Variants in TRIP12 observed in about 807,000 individuals in gnomAD.
The protein encoded by TRIP12 is E3 ubiquitin-protein ligase TRIP12.
Under a neutral mutation model 244.2 loss-of-function variants are expected in TRIP12, and 25 were observed. The observed-to-expected ratio is 0.10, with a 90% CI of 0.07 to 0.14. TRIP12 has a LOEUF of 0.14. Among genes scored for constraint, TRIP12 ranks in the 10% least tolerant of loss-of-function variants. The probability of loss-of-function intolerance (pLI) is 1.00; values close to 1 mark genes in which losing one functional copy is unlikely to be tolerated. For missense variants in TRIP12, 1,677 were observed against 2,486.4 expected (o/e 0.67, Z 6.92); for synonymous variants, 905 against 873.1 (o/e 1.04, Z -0.64).
intron 8 of TRIP12, among the ~76,000 whole-genome samples, chr2:229,828,772 A>AT (rs1188729250): frequency 0.015 from 2,314 of 151,904 alleles, 59 homozygotes; most frequent in African/African-American, 0.051. Flanking sequence ...ATCTCAAAAA[A>AT]AATATATATA....
chr2:229,777,233 A>G, intron 37 of TRIP12, 82 bp downstream of exon 37: 1 of 1,405,180 alleles, frequency 7.1e-7, no homozygotes, highest in Non-Finnish European at 9.7e-7. Flanking sequence ...ATAACAACTG[A>G]GTCAAATACA....
intron 1 of TRIP12, among the ~76,000 whole-genome samples, chr2:229,905,610 T>A (rs906132872): frequency 6.6e-5 from 10 of 152,216 alleles, no homozygotes; most frequent in African/African-American, 2.4e-4. Flanking sequence ...ATAACGAATA[T>A]ACTTTTAAAA....
Position 229,788,833 on chromosome 2 carries a change from G to A in TRIP12, c.4803C>T (p.Asn1601=). The A allele has an allele frequency of 6.2e-7, 1 of 1,613,728 alleles. No individual in the cohort carries two copies. The highest frequency in any genetic ancestry group is 8.5e-7 in the Non-Finnish European group (1 of 1,179,946). The part of the protein sequence containing the change: ...LQDPLVIMTG[N]IPTWLTELGK... ...CTAGCTCAGTAAGCCATGTTGGGATGTTTCCTGTCATGATTACTAAAGGAT... is the reference window on the plus strand; with the variant it reads ...CTAGCTCAGTAAGCCATGTTGGGATATTTCCTGTCATGATTACTAAAGGAT... The change falls in exon 32 of 42, where the codon AAC becomes AAT. Residue 1601 remains asparagine (N), a synonymous_variant. Transcript: ENST00000675903.
intron 1 of TRIP12, among the ~76,000 whole-genome samples, chr2:229,915,839 C>A (rs2075281831): frequency 6.6e-6 from 1 of 152,078 alleles, no homozygotes; most frequent in Non-Finnish European, 1.5e-5. Context: ...AGACTACAGG[C>A]ATGTGCCACC....
At chr2:229,869,243 T>C (rs769832701) in intron 2 of TRIP12, among the ~76,000 whole-genome samples, 2 of 152,190 alleles carry the variant, frequency 1.3e-5, no homozygotes, top group Non-Finnish European at 2.9e-5. Context: ...GTTTTCATCA[T>C]TTCAGTAAAA....
intron 1 of TRIP12, among the ~76,000 whole-genome samples, chr2:229,913,996 G>A (rs1041919552): frequency 1.9e-4 from 29 of 152,052 alleles, no homozygotes; most frequent in African/African-American, 3.9e-4. Flanking sequence ...GGCCAGGCGC[G>A]GTGGCTCACA....
intron 1 of TRIP12, among the ~76,000 whole-genome samples, chr2:229,882,490 C>A (rs1040136435): frequency 3.3e-5 from 5 of 152,150 alleles, no homozygotes; most frequent in Non-Finnish European, 5.9e-5. Context: ...TTTAAAAGAG[C>A]TTTCCTGGGT....
intron 9 of TRIP12, among the ~76,000 whole-genome samples, chr2:229,817,967 C>T (rs1255235269): frequency 3.3e-5 from 5 of 152,014 alleles, no homozygotes; most frequent in East Asian, 1.9e-4. Flanking sequence ...CATGTAGACA[C>T]GTACTAAATA....
At chr2:229,791,364 C>CAGAG in intron 29 of TRIP12, 113 bp from the exon 30 acceptor site, 2 of 1,188,374 alleles carry the variant, frequency 1.7e-6, no homozygotes, top group Non-Finnish European at 2.4e-6. Flanking sequence ...GATCTATTCT[C>CAGAG]CTCTCTCTCC....
At chr2:229,777,592 G>A (rs2036675173) in intron 36 of TRIP12, 113 bp from the exon 37 acceptor site, 1 of 1,077,990 alleles carries the variant, frequency 9.3e-7, no homozygotes. Flanking sequence ...TAATCCCCAA[G>A]AAAGAAAATT....
chr2:229,835,363 T>C (rs1378096705), intron 6 of TRIP12, among the ~76,000 whole-genome samples: 4 of 152,218 alleles, frequency 2.6e-5, no homozygotes, highest in Non-Finnish European at 5.9e-5. Context: ...TATGCTTTTA[T>C]CCTCTTAGGT....
At chr2:229,853,455 T>A (rs2059082019) in intron 4 of TRIP12, among the ~76,000 whole-genome samples, 1 of 151,946 alleles carries the variant, frequency 6.6e-6, no homozygotes, top group Non-Finnish European at 1.5e-5. Context: ...AGGTCAGGAG[T>A]TCGAGACCAG....
Position 229,814,561 on chromosome 2 carries a change from C to T in TRIP12, c.1732-236G>A, listed in dbSNP as rs891914647. On this transcript the variant is annotated intron_variant, in intron 11 of 41. Transcript: ENST00000675903. The stretch of plus-strand genomic sequence containing the variant: ...TATGTTTTACATAATAAACCAAACC[C>T]AATTACATAACTTTTAAATCTTCAG... 1.4e-5 allele frequency: 5 copies of T among 365,352 alleles called. No individual in the cohort carries two copies. The South Asian group carries it at 4.8e-4, about 35-fold the overall frequency. The allele number at this position is 365,352 out of a possible 1,614,324, so 22.6% of individuals were successfully genotyped here. A position where few individuals can be genotyped will look rare whatever the true frequency, so the allele number is the denominator to read the frequency against.
At chr2:229,789,027 T>A in intron 31 of TRIP12, 87 bp from the exon 32 acceptor site, 13 of 1,248,348 alleles carry the variant, frequency 1.0e-5, no homozygotes, top group Non-Finnish European at 1.4e-5. Flanking sequence ...CCCAAGTCCA[T>A]GCAAAGTACC....
At chr2:229,801,307 C>G (rs1415343997) in intron 21 of TRIP12, among the ~76,000 whole-genome samples, 4 of 152,194 alleles carry the variant, frequency 2.6e-5, no homozygotes, top group South Asian at 2.1e-4. Context: ...AGTCTTGAAA[C>G]TGCCAAAATT....
chr2:229,791,151 C>T lies in TRIP12; in HGVS notation c.4516G>A (p.Ala1506Thr). Residue 1506 changes from alanine (A) to threonine (T), a missense_variant, in exon 30 of 42, where the codon GCA becomes ACA. Transcript: ENST00000675903. ...TAPTKTSPRN[A>T]KKHDELWHDG... is the part of the protein sequence containing the mutation. ...TGCCATAACTCATCATGCTTTTTTGCATTTCTAGGGGAAGTTTTCGTTGGA... is the reference window on the plus strand; with the variant it reads ...TGCCATAACTCATCATGCTTTTTTGTATTTCTAGGGGAAGTTTTCGTTGGA... The T allele has an allele frequency of 6.2e-7, 1 of 1,613,940 alleles. No homozygotes were observed. The highest frequency in any genetic ancestry group is 1.3e-5 in the African/African-American group (1 of 75,026).
chr2:229,787,094 C>T (rs114201953), intron 33 of TRIP12, among the ~76,000 whole-genome samples: 3,361 of 152,256 alleles, frequency 0.022, 132 homozygotes, highest in African/African-American at 0.077. Flanking sequence ...TCAGGCTCTT[C>T]TAATTGGAGT....
At chr2:229,880,979 A>G (rs1373780391) in intron 1 of TRIP12, among the ~76,000 whole-genome samples, 1 of 152,186 alleles carries the variant, frequency 6.6e-6, no homozygotes, top group Admixed American at 6.5e-5. Context: ...GTAAAACTAT[A>G]GTATCTTACT....
At chr2:229,839,374 C>A (rs1020277617) in intron 5 of TRIP12, among the ~76,000 whole-genome samples, 1 of 152,110 alleles carries the variant, frequency 6.6e-6, no homozygotes, top group Non-Finnish European at 1.5e-5. Context: ...AACGTGTCCT[C>A]CTCATTAAAA....
Sources: gnomAD v4.1 joint callset for allele counts (sites outside exome capture counted in the v4.1 genomes callset) on GRCh38, gnomAD v4.1.1 for gene constraint, MANE v1.5 for transcripts, NCBI Gene and HGNC (gene_info 2026-07-23, HGNC 2026-07-21) for gene names.